The following NOP53 variants were observed in gnomAD, a reference collection of about 807,000 sequenced individuals.
NOP53 encodes the protein ribosome biogenesis protein NOP53.
NOP53 carries 40 observed loss-of-function variants against 61.0 expected under a neutral mutation model. The observed-to-expected ratio is 0.66, with a 90% CI of 0.51 to 0.85. The LOEUF (loss-of-function observed/expected upper bound fraction) is 0.85. NOP53 is among the 40% of genes least tolerant of loss of function. NOP53 has a pLI of 0.00. For synonymous variants in NOP53, 308 were observed against 289.5 expected (o/e 1.06, Z -0.65); for missense variants, 689 against 652.9 (o/e 1.06, Z -0.60).
chr19:47,755,707 C>T (rs1320812537), intron 9 of NOP53, 49 bp from the exon 10 acceptor site: 22 of 1,527,588 alleles, frequency 1.4e-5, no homozygotes, highest in African/African-American at 2.7e-5. Context: ...GACTGGGTGT[C>T]CTGGGCCCCG....
Position 47,747,784 on chromosome 19 carries a change from T to C in NOP53, c.289+753T>C, listed in dbSNP as rs1314368909. On this transcript the variant is annotated intron_variant, in intron 2 of 12. Coordinates refer to ENST00000246802, the MANE Select transcript of NOP53 (RefSeq NM_015710.5). ...TTCTTTTCTTTTCTCTCTCTCTTTT[T>C]TTTTTTTTTTTTTTTTTTTTGAGAT... Among the ~76,000 whole-genome samples the C allele has an allele frequency of 6.3e-4, 53 of 83,768 alleles. 1 individual carries two copies. The highest frequency in any genetic ancestry group is 1.2e-3 in the African/African-American group (20 of 17,300). 55.0% of individuals were successfully genotyped at this position (83,768 alleles called of 152,430 possible).
chr19:47,745,849 T>C, intron 1 of NOP53, 66 bp downstream of exon 1: 1 of 393,554 alleles, frequency 2.5e-6, no homozygotes, highest in Non-Finnish European at 3.3e-6. Context: ...CCAGGCGTGC[T>C]TGCGTGGACT....
At chr19:47,756,819 C>A in intron 12 of NOP53, 75 bp downstream of exon 12, 1 of 1,552,868 alleles carries the variant, frequency 6.4e-7, no homozygotes, top group Non-Finnish European at 8.9e-7. Context: ...TCCCAGGGCC[C>A]CTTCCAGAGT....
chr19:47,747,036 G>A lies in NOP53; in HGVS notation c.289+5G>A. On this transcript the variant is annotated splice_donor_5th_base_variant and intron_variant, in intron 2 of 12. Coordinates refer to ENST00000246802, the MANE Select transcript of NOP53 (RefSeq NM_015710.5). ...ACACTGGCTCCAAGGAAAAAGGTGA[G>A]GAGAGGCTTTTGTGGTGTGGAATGG... is the stretch of plus-strand genomic sequence containing the variant. 1.9e-6 allele frequency: 3 copies of A among 1,612,378 alleles called. No individual in the cohort carries two copies. Among genetic ancestry groups the A allele is most frequent in the Non-Finnish European group, 2.5e-6 (3 of 1,178,472 alleles).
chr19:47,745,992 A>T (rs986609828), intron 1 of NOP53: 20 of 517,994 alleles, frequency 3.9e-5, no homozygotes, highest in Non-Finnish European at 5.4e-5. Context: ...GATTTAGCAG[A>T]TAAATATACA....
chr19:47,755,715 C>T (rs1430445025), intron 9 of NOP53, 41 bp from the exon 10 acceptor site: 6 of 1,556,026 alleles, frequency 3.9e-6, no homozygotes, highest in Non-Finnish European at 5.3e-6. Flanking sequence ...GTCCTGGGCC[C>T]CGCGGGGGTG....
In NOP53 at chr19:47,745,627, T is replaced by C. The variant is rs761894698; in HGVS notation, c.68T>C (p.Leu23Pro). 4 of 1,613,908 alleles carry C rather than the reference T, an allele frequency of 2.5e-6. No individual in the cohort carries two copies. Among genetic ancestry groups the C allele is most frequent in the South Asian group, 1.1e-5 (1 of 91,082 alleles). The change falls in exon 1 of 13, where the codon CTG becomes CCG. Residue 23 changes from leucine to proline, a missense_variant. Coordinates refer to ENST00000246802, the MANE Select transcript of NOP53 (RefSeq NM_015710.5). ...AAAAGCGATGCCGATTCTGGTTTCC[T>C]GGGGCTGCGGCCCACTTCGGTGGAC... is the stretch of plus-strand genomic sequence containing the variant. ...SSKSDADSGF[L>P]GLRPTSVDPA...
At chr19:47,756,391 C>T in intron 10 of NOP53, 137 bp from the exon 11 acceptor site, 1 of 642,080 alleles carries the variant, frequency 1.6e-6, no homozygotes, top group Non-Finnish European at 2.7e-6. Context: ...AGCTGAGGGC[C>T]AGGCTGAGTC....
At position 47,754,934 on chromosome 19, in the gene NOP53, C is replaced by CCCTT. The variant is rs746166694; in HGVS notation, c.1053+55_1053+58dup. On this transcript the variant is annotated intron_variant, in intron 8 of 12. Transcript: ENST00000246802. The surrounding 1 kb of genome is among the most constrained non-coding windows in gnomAD (Gnocchi z 4.2). ...CGGGGCCTGCCTCTGATGCCTCGCC[C>CCCTT]CCTTCCTTCCTTCCTCCCACCATGG... 22 of 1,455,948 alleles carry CCCTT rather than the reference C, an allele frequency of 1.5e-5. No homozygotes were observed. The East Asian group carries it at 3.5e-4, about 23-fold the overall frequency. The allele number at this position is 1,455,948 out of a possible 1,614,324, so 90.2% of individuals were successfully genotyped here.
chr19:47,750,118 G>A, intron 2 of NOP53, 60 bp from the exon 3 acceptor site: 1 of 1,032,090 alleles, frequency 9.7e-7, no homozygotes, highest in Non-Finnish European at 1.5e-6. Flanking sequence ...TGAATAGGGT[G>A]GGTGGTCTTT....
Position 47,754,804 on chromosome 19 carries a change from C to A in NOP53, c.966C>A (p.Ala322=). 2 of 1,534,004 alleles carry A rather than the reference C, an allele frequency of 1.3e-6. No homozygotes were observed. The highest frequency in any genetic ancestry group is 1.7e-6 in the Non-Finnish European group (2 of 1,143,774). Residue 322 remains alanine (A), a synonymous_variant, in exon 8 of 13, where the codon GCC becomes GCA. Coordinates refer to ENST00000246802, the MANE Select transcript of NOP53 (RefSeq NM_015710.5). This position sits in a 1 kb window ranked among gnomAD's most constrained non-coding sequence, Gnocchi z 4.2. ...GCGAGGGGCCGGAGGCTGGGGATGCCGAGGTCTGTCCCACGCCCGCCCGCC... is the reference window on the plus strand; with the variant it reads ...GCGAGGGGCCGGAGGCTGGGGATGCAGAGGTCTGTCCCACGCCCGCCCGCC... ...GQGEGPEAGD[A]EVCPTPARLA... is the part of the protein sequence containing the mutation.
intron 1 of NOP53, chr19:47,746,351 TTTC>T (rs1967065038): frequency 1.3e-5 from 2 of 151,674 alleles, no homozygotes; most frequent in Admixed American, 6.6e-5. Context: ...CTCGGCTATT[TTTC>T]TTTTCTTTTC....
intron 8 of NOP53, 73 bp from the exon 9 acceptor site, chr19:47,755,275 T>A: frequency 9.5e-7 from 1 of 1,053,074 alleles, no homozygotes. Flanking sequence ...CAGGGAAGGC[T>A]CCCTGTGTAG....
Position 47,752,845 on chromosome 19 carries a change from G to A in NOP53, c.765+238G>A, listed in dbSNP as rs1967141617. On this transcript the variant is annotated intron_variant, in intron 6 of 12. Transcript: ENST00000246802. Reference sequence around the variant, plus strand: ...CCTGGGGGGTCAGGAAGGGCTCCCGGGAGGAGGGGTCGCCTGAGCCGAGGC... The same window carrying A: ...CCTGGGGGGTCAGGAAGGGCTCCCGAGAGGAGGGGTCGCCTGAGCCGAGGC... 3 of 512,118 alleles carry A rather than the reference G, an allele frequency of 5.9e-6. No homozygotes were observed. The Admixed American group carries it at 9.6e-5, about 16-fold the overall frequency. The allele number at this position is 512,118 out of a possible 1,614,324, so 31.7% of individuals were successfully genotyped here.
intron 10 of NOP53, 102 bp downstream of exon 10, chr19:47,755,924 G>A (rs764787410): frequency 5.1e-6 from 5 of 981,388 alleles, no homozygotes; most frequent in Non-Finnish European, 4.7e-6. Context: ...GCTGCCCCTG[G>A]GCTGGGCCAG....
At chr19:47,756,015 C>T (rs10412077) in intron 10 of NOP53, 193 bp downstream of exon 10, 25,934 of 593,642 alleles carry the variant, frequency 0.044, 2,979 homozygotes, top group African/African-American at 0.32. Context: ...GGTTTGAGTC[C>T]GGGACCCTAA....
intron 6 of NOP53, 37 bp downstream of exon 6, chr19:47,752,644 C>A: frequency 7.9e-7 from 1 of 1,269,046 alleles, no homozygotes; most frequent in Non-Finnish European, 1.2e-6. Flanking sequence ...CCTCAGTGGG[C>A]TCTGCCTCTT....
intron 10 of NOP53, 78 bp downstream of exon 10, chr19:47,755,900 T>G: frequency 8.2e-7 from 1 of 1,223,402 alleles, no homozygotes; most frequent in Non-Finnish European, 1.2e-6. Flanking sequence ...CCAGGGGCTA[T>G]GGGCGACACC....
At chr19:47,756,281 C>T in intron 10 of NOP53, 1 of 578,100 alleles carries the variant, frequency 1.7e-6, no homozygotes, top group South Asian at 2.2e-5. Context: ...TCGCTGTCCC[C>T]TTTTCTGTGT....
Sources: gnomAD v4.1 joint callset for allele counts (sites outside exome capture counted in the v4.1 genomes callset) on GRCh38, gnomAD v4.1.1 for gene constraint, Gnocchi (gnomAD v3.1) non-coding constraint, MANE v1.5 for transcripts, NCBI Gene and HGNC (gene_info 2026-07-23, HGNC 2026-07-21) for gene names.